Variants in MAP3K20 observed in about 807,000 individuals in gnomAD.
MAP3K20 encodes mitogen-activated protein kinase kinase kinase 20.
Under a neutral mutation model 85.7 loss-of-function variants are expected in MAP3K20, and 40 were observed. The observed-to-expected ratio is 0.47, with a 90% CI of 0.36 to 0.61. The LOEUF is 0.61. MAP3K20 is among the 20% of genes least tolerant of loss of function. MAP3K20 has a pLI of 0.00. For synonymous variants in MAP3K20, 325 were observed against 327.7 expected (o/e 0.99, Z 0.09); for missense variants, 817 against 961.7 (o/e 0.85, Z 1.99).
At chr2:173,175,554 T>G (rs1485761707) in intron 3 of MAP3K20, among the ~76,000 whole-genome samples, 3 of 152,202 alleles carry the variant, frequency 2.0e-5, no homozygotes, top group Admixed American at 1.3e-4. Context: ...CTATTAAACC[T>G]TTTATTCTTT....
At chr2:173,209,320 T>C (rs1156907061) in intron 9 of MAP3K20, among the ~76,000 whole-genome samples, 1 of 152,228 alleles carries the variant, frequency 6.6e-6, no homozygotes, top group Non-Finnish European at 1.5e-5. Flanking sequence ...GGAAAGAATT[T>C]TACAGTGAAC....
At chr2:173,230,987 C>A (rs770247919) in intron 12 of MAP3K20, among the ~76,000 whole-genome samples, 1 of 151,930 alleles carries the variant, frequency 6.6e-6, no homozygotes, top group Non-Finnish European at 1.5e-5. Context: ...CAGAGCAAGG[C>A]TTCATCTCAA....
intron 18 of MAP3K20, among the ~76,000 whole-genome samples, chr2:173,261,559 C>T (rs1410250428): frequency 6.6e-6 from 1 of 152,152 alleles, no homozygotes; most frequent in Admixed American, 6.5e-5. Context: ...ACAGTCTTGG[C>T]ACACCTGGAA....
At position 173,266,781 on chromosome 2, in the gene MAP3K20, G is replaced by GT; in HGVS notation, c.*33dup. The GT allele has an allele frequency of 1.3e-6, 1 of 786,316 alleles. No individual in the cohort carries two copies. The highest frequency in any genetic ancestry group is 3.8e-5 in the South Asian group (1 of 26,646). 48.7% of individuals were successfully genotyped at this position (786,316 alleles called of 1,614,324 possible). On this transcript the variant is annotated 3_prime_UTR_variant, in exon 20 of 20. Coordinates refer to ENST00000375213, the MANE Select transcript of MAP3K20 (RefSeq NM_016653.3). ...TGAACTACATAGCTTTTCTAAGCAG[G>GT]TTAAAAAAAAAAAAAAAAAGAAATG... is the stretch of plus-strand genomic sequence containing the variant.
Position 173,227,514 on chromosome 2 carries a change from G to T in MAP3K20, c.988-2175G>T, listed in dbSNP as rs112540092. Among the ~76,000 whole-genome samples, 26 of 152,286 alleles carry T rather than the reference G, an allele frequency of 1.7e-4. 1 individual carries two copies. The highest frequency in any genetic ancestry group is 6.3e-4 in the African/African-American group (26 of 41,560). ...GCCTGGCTCCAGCCTTCCTCTCACT[G>T]ATCTTTGCTAGCATTGTGCAAAGAA... is the stretch of plus-strand genomic sequence containing the variant. On this transcript the variant is annotated intron_variant, in intron 11 of 19. Transcript: ENST00000375213.
chr2:173,122,148 A>C (rs914145717), intron 2 of MAP3K20, among the ~76,000 whole-genome samples: 3 of 152,208 alleles, frequency 2.0e-5, no homozygotes, highest in Non-Finnish European at 2.9e-5. Context: ...AATTAATGTA[A>C]ACTCTTATTT....
At chr2:173,141,708 C>T (rs937227599) in intron 2 of MAP3K20, among the ~76,000 whole-genome samples, 22 of 152,034 alleles carry the variant, frequency 1.4e-4, no homozygotes, top group African/African-American at 5.3e-4. Flanking sequence ...CTTACAGTTC[C>T]AGCAAGCTCA....
Position 173,111,423 on chromosome 2 carries a change from TTTAA to T in MAP3K20, c.159+20238_159+20241del, listed in dbSNP as rs752198558. On this transcript the variant is annotated intron_variant, in intron 2 of 19. Coordinates refer to ENST00000375213, the MANE Select transcript of MAP3K20 (RefSeq NM_016653.3). ...CTTTTGCTGTGCAAAAGCTCTTTAG[TTTAA>T]TTAAGTCCCAACTATTCATCTTTGT... Among the ~76,000 whole-genome samples the T allele has an allele frequency of 1.2e-3, 178 of 152,364 alleles. 1 individual carries two copies. Among genetic ancestry groups the T allele is most frequent in the Non-Finnish European group, 2.0e-3 (137 of 68,032 alleles).
At chr2:173,212,921 TTAAAA>T (rs1438529853) in intron 10 of MAP3K20, 2 of 151,662 alleles carry the variant, frequency 1.3e-5, no homozygotes, top group African/African-American at 4.8e-5. Context: ...AAACAGAGAA[TTAAAA>T]TAAATTTAAA....
At chr2:173,194,072 A>G (rs1256588599) in intron 7 of MAP3K20, among the ~76,000 whole-genome samples, 1 of 152,202 alleles carries the variant, frequency 6.6e-6, no homozygotes, top group Non-Finnish European at 1.5e-5. Flanking sequence ...CCTGGTGGAA[A>G]CAGAAATGCC....
intron 14 of MAP3K20, among the ~76,000 whole-genome samples, chr2:173,236,086 C>T (rs932225664): frequency 7.2e-5 from 11 of 151,894 alleles, no homozygotes; most frequent in African/African-American, 1.9e-4. Flanking sequence ...GGCAACATGG[C>T]GAAACCTTGC....
chr2:173,089,763 G>A (rs1301778396), intron 1 of MAP3K20, among the ~76,000 whole-genome samples: 1 of 152,072 alleles, frequency 6.6e-6, no homozygotes, highest in African/African-American at 2.4e-5. Flanking sequence ...TGTATGCTTA[G>A]GGTTTTGTCA....
chr2:173,114,888 G>A (rs1246548261), intron 2 of MAP3K20, among the ~76,000 whole-genome samples: 1 of 152,154 alleles, frequency 6.6e-6, no homozygotes, highest in Non-Finnish European at 1.5e-5. Context: ...GCACCTAGGC[G>A]AAGATCTTTT....
chr2:173,085,248 A>C (rs975727746), intron 1 of MAP3K20, among the ~76,000 whole-genome samples: 2 of 152,188 alleles, frequency 1.3e-5, no homozygotes, highest in Non-Finnish European at 2.9e-5. Context: ...TTTGGGGCAA[A>C]AGTAACAGTG....
intron 2 of MAP3K20, among the ~76,000 whole-genome samples, chr2:173,095,563 A>G (rs1687434896): frequency 6.6e-6 from 1 of 152,204 alleles, no homozygotes; most frequent in South Asian, 2.1e-4. Context: ...ACCTTTCTGG[A>G]GAAGAGTTTA....
chr2:173,199,662 G>GT (rs71018542), intron 8 of MAP3K20, among the ~76,000 whole-genome samples: 23,389 of 130,406 alleles, frequency 0.18, 2,360 homozygotes, highest in East Asian at 0.56. Context: ...GAGAAAGGTT[G>GT]TTTTTTTTTT....
intron 14 of MAP3K20, among the ~76,000 whole-genome samples, chr2:173,233,588 G>C (rs1326648009): frequency 6.6e-6 from 1 of 152,156 alleles, no homozygotes; most frequent in Non-Finnish European, 1.5e-5. Context: ...TCCAGTGTGG[G>C]TAGATGGACG....
intron 2 of MAP3K20, among the ~76,000 whole-genome samples, chr2:173,144,411 C>T (rs529585512): frequency 1.4e-3 from 203 of 142,216 alleles, no homozygotes; most frequent in African/African-American, 4.8e-3. Flanking sequence ...TGCAGTGAGC[C>T]GAGGTCACGC....
intron 16 of MAP3K20, among the ~76,000 whole-genome samples, chr2:173,240,162 G>A (rs1412730556): frequency 6.6e-6 from 1 of 152,200 alleles, no homozygotes; most frequent in Admixed American, 6.5e-5. Context: ...AGGAAACTGA[G>A]GCTCAGACAG....
Sources: gnomAD v4.1 joint callset for allele counts (sites outside exome capture counted in the v4.1 genomes callset) on GRCh38, gnomAD v4.1.1 for gene constraint, MANE v1.5 for transcripts, NCBI Gene and HGNC (gene_info 2026-07-23, HGNC 2026-07-21) for gene names.